CADM1: variants seen among roughly 807,000 people sequenced by gnomAD.
CADM1 encodes the protein cell adhesion molecule 1.
Under a neutral mutation model 53.1 loss-of-function variants are expected in CADM1, and 15 were observed. The observed-to-expected ratio is 0.28, with a 90% CI of 0.19 to 0.44. CADM1 has a LOEUF of 0.44. Among genes scored for constraint, CADM1 ranks in the 20% least tolerant of loss-of-function variants. The probability of loss-of-function intolerance (pLI) is 1.00; values close to 1 mark genes in which losing one functional copy is unlikely to be tolerated. For synonymous variants in CADM1, 281 were observed against 243.0 expected (o/e 1.16, Z -1.45); for missense variants, 434 against 611.3 (o/e 0.71, Z 3.06).
intron 1 of CADM1, chr11:115,445,813 C>A (rs1226563604): frequency 2.2e-6 from 1 of 449,710 alleles, no homozygotes; most frequent in Admixed American, 2.4e-5. Flanking sequence ...CCACCGCACT[C>A]CAGCCTGGGT....
chr11:115,424,311 A>G (rs1947833175), intron 1 of CADM1, among the ~76,000 whole-genome samples: 2 of 152,184 alleles, frequency 1.3e-5, no homozygotes, highest in Non-Finnish European at 2.9e-5. Context: ...ACAAGCACAG[A>G]AAGTACTTGA....
chr11:115,224,210 C>T (rs954945680), intron 5 of CADM1, among the ~76,000 whole-genome samples: 36 of 152,082 alleles, frequency 2.4e-4, no homozygotes, highest in African/African-American at 8.2e-4. Context: ...ACCAGAGAAA[C>T]ATTTATTTTG....
chr11:115,340,648 A>ATTTTTTT (rs1565375142), intron 1 of CADM1, among the ~76,000 whole-genome samples: 1 of 36,874 alleles, frequency 2.7e-5, no homozygotes, highest in African/African-American at 1.0e-4. Flanking sequence ...ATATATATAT[A>ATTTTTTT]TATATATATA....
chr11:115,354,600 T>C (rs1945816669), intron 1 of CADM1, among the ~76,000 whole-genome samples: 1 of 152,220 alleles, frequency 6.6e-6, no homozygotes, highest in African/African-American at 2.4e-5. Flanking sequence ...GACACAGTCC[T>C]TTCTTTGAAG....
chr11:115,204,672 G>A (rs1342456421), intron 8 of CADM1, among the ~76,000 whole-genome samples: 1 of 152,158 alleles, frequency 6.6e-6, no homozygotes, highest in Non-Finnish European at 1.5e-5. Context: ...GTGCTTCTTT[G>A]CTTTGTACCT....
intron 1 of CADM1, among the ~76,000 whole-genome samples, chr11:115,487,687 G>T (rs562872358): frequency 1.3e-5 from 2 of 152,172 alleles, no homozygotes; most frequent in Non-Finnish European, 2.9e-5. Flanking sequence ...AGTGGTTAAA[G>T]AATCATCAAC....
chr11:115,446,054 C>T (rs1948443961), intron 1 of CADM1, among the ~76,000 whole-genome samples: 1 of 152,070 alleles, frequency 6.6e-6, no homozygotes, highest in African/African-American at 2.4e-5. Context: ...ATATCTAGTA[C>T]TACCAGTAAT....
At chr11:115,484,946 CAA>C (rs113318647) in intron 1 of CADM1, among the ~76,000 whole-genome samples, 17 of 91,754 alleles carry the variant, frequency 1.9e-4, no homozygotes, top group Admixed American at 2.4e-4. Flanking sequence ...GACTCTGTCT[CAA>C]AAAAAAAAAA....
At chr11:115,370,909 G>A (rs1000843779) in intron 1 of CADM1, among the ~76,000 whole-genome samples, 7 of 152,210 alleles carry the variant, frequency 4.6e-5, no homozygotes, top group African/African-American at 1.7e-4. Flanking sequence ...TAAAACTAAC[G>A]AAGACTTCCA....
intron 4 of CADM1, among the ~76,000 whole-genome samples, chr11:115,230,135 T>A (rs1941763477): frequency 6.6e-6 from 1 of 152,146 alleles, no homozygotes; most frequent in Non-Finnish European, 1.5e-5. Context: ...ACTCCTTCCT[T>A]CCAAAACCAT....
At chr11:115,406,873 C>T (rs1027544588) in intron 1 of CADM1, among the ~76,000 whole-genome samples, 2 of 151,226 alleles carry the variant, frequency 1.3e-5, no homozygotes, top group Non-Finnish European at 2.9e-5. Context: ...TCACTTGAAC[C>T]TGGGAGGTGG....
chr11:115,274,039 C>T (rs1943377202), intron 1 of CADM1, among the ~76,000 whole-genome samples: 1 of 152,228 alleles, frequency 6.6e-6, no homozygotes, highest in Non-Finnish European at 1.5e-5. Flanking sequence ...AATCACACTT[C>T]CTACCCGATG....
intron 1 of CADM1, among the ~76,000 whole-genome samples, chr11:115,458,586 A>G (rs1037377597): frequency 1.3e-5 from 2 of 151,384 alleles, no homozygotes; most frequent in Admixed American, 1.3e-4. Context: ...AAGCTAGACA[A>G]AAGTCCCTGG....
At chr11:115,273,746 AGT>A (rs1287312210) in intron 1 of CADM1, among the ~76,000 whole-genome samples, 3 of 152,246 alleles carry the variant, frequency 2.0e-5, no homozygotes, top group Non-Finnish European at 2.9e-5. Context: ...CAATGGGTAA[AGT>A]GTGTATCACA....
chr11:115,504,130 G>T, intron 1 of CADM1, 141 bp downstream of exon 1: 1 of 1,273,838 alleles, frequency 7.9e-7, no homozygotes, highest in Non-Finnish European at 1.1e-6. Flanking sequence ...TCTCAGCCCT[G>T]AGTTTCCTCT....
At position 115,175,217 on chromosome 11, in the gene CADM1, A is replaced by G; in HGVS notation, c.*1257T>C. The G allele has an allele frequency of 2.0e-6, 2 of 985,844 alleles. No homozygotes were observed. The highest frequency in any genetic ancestry group is 2.4e-6 in the Non-Finnish European group (2 of 829,934). 61.1% of individuals were successfully genotyped at this position (985,844 alleles called of 1,614,324 possible). A position where few individuals can be genotyped will look rare whatever the true frequency, so the allele number is the denominator to read the frequency against. On this transcript the variant is annotated 3_prime_UTR_variant, in exon 12 of 12. Coordinates refer to ENST00000331581, the MANE Select transcript of CADM1 (RefSeq NM_001301043.2). Reference sequence around the variant, plus strand: ...GCGACAGCAGACCAGTGTGAGAACAATACCAGCCCTTCTTTTGTACCTCCT... The same window carrying G: ...GCGACAGCAGACCAGTGTGAGAACAGTACCAGCCCTTCTTTTGTACCTCCT...
intron 1 of CADM1, among the ~76,000 whole-genome samples, chr11:115,503,568 C>G (rs570047362): frequency 5.3e-5 from 8 of 152,140 alleles, no homozygotes; most frequent in African/African-American, 9.6e-5. Flanking sequence ...GCCGCCCCCC[C>G]CGCGGGGCCG....
chr11:115,363,276 C>T (rs1946077379), intron 1 of CADM1, among the ~76,000 whole-genome samples: 1 of 152,302 alleles, frequency 6.6e-6, no homozygotes, highest in South Asian at 2.1e-4. Flanking sequence ...TTATTACCAT[C>T]TCCTACCGTT....
chr11:115,442,728 T>C (rs1948349030), intron 1 of CADM1, among the ~76,000 whole-genome samples: 1 of 152,210 alleles, frequency 6.6e-6, no homozygotes, highest in African/African-American at 2.4e-5. Context: ...AGAGCTTGAC[T>C]AAAAGTAACT....
Sources: gnomAD v4.1 joint callset for allele counts (sites outside exome capture counted in the v4.1 genomes callset) on GRCh38, gnomAD v4.1.1 for gene constraint, MANE v1.5 for transcripts, NCBI Gene and HGNC (gene_info 2026-07-23, HGNC 2026-07-21) for gene names.